ROBO1: variants seen among roughly 807,000 people sequenced by gnomAD.
ROBO1 encodes roundabout homolog 1.
Under a neutral mutation model 195.9 loss-of-function variants are expected in ROBO1, and 149 were observed. That is an observed-to-expected ratio of 0.76 (90% CI 0.67 to 0.87). ROBO1 has a LOEUF of 0.87. ROBO1 is among the 40% of genes least tolerant of loss of function. The pLI is 0.00. For missense variants in ROBO1, 1,933 were observed against 2,068.3 expected, an observed-to-expected ratio of 0.93 and a Z score of 1.27; for synonymous variants, 816 against 733.2, an observed-to-expected ratio of 1.11 and a Z score of -1.82.
At chr3:79,169,912 A>C (rs1428767314) in intron 2 of ROBO1, among the ~76,000 whole-genome samples, 6 of 152,328 alleles carry the variant, frequency 3.9e-5, no homozygotes, top group African/African-American at 1.2e-4. Context: ...TAAAGAGGTA[A>C]ATTTTATAAA....
At chr3:78,605,828 G>T (rs947752489) in intron 29 of ROBO1, among the ~76,000 whole-genome samples, 27 of 152,186 alleles carry the variant, frequency 1.8e-4, no homozygotes, top group African/African-American at 6.5e-4. Context: ...GTCAACCTAT[G>T]AATAACTTTT....
At chr3:79,243,446 A>C (rs1160622765) in intron 2 of ROBO1, among the ~76,000 whole-genome samples, 1 of 152,214 alleles carries the variant, frequency 6.6e-6, no homozygotes, top group Non-Finnish European at 1.5e-5. Flanking sequence ...TTACAGTCCC[A>C]CCAACAGTGT....
intron 3 of ROBO1, among the ~76,000 whole-genome samples, chr3:78,974,336 A>G (rs1432454521): frequency 2.0e-5 from 3 of 152,190 alleles, no homozygotes; most frequent in East Asian, 1.9e-4. Flanking sequence ...AAATTAAAAA[A>G]AAGAAGAAGA....
chr3:79,054,229 T>C (rs1038292435), intron 3 of ROBO1, among the ~76,000 whole-genome samples: 2 of 152,102 alleles, frequency 1.3e-5, no homozygotes, highest in African/African-American at 2.4e-5. Context: ...ACAGAACAAG[T>C]AACAAAGGTG....
At chr3:78,788,847 CTAATG>C (rs2083931131) in intron 4 of ROBO1, among the ~76,000 whole-genome samples, 2 of 152,188 alleles carry the variant, frequency 1.3e-5, no homozygotes, top group East Asian at 3.9e-4. Flanking sequence ...AATGATATCT[CTAATG>C]TAGTGTAAAT....
At chr3:79,185,268 GGTAGTAACTGATTTT>G (rs1265683610) in intron 2 of ROBO1, among the ~76,000 whole-genome samples, 15 of 152,204 alleles carry the variant, frequency 9.9e-5, no homozygotes, top group African/African-American at 3.4e-4. Context: ...TTTATGCTGT[GGTAGTAACTGATTTT>G]TTTTATAGAA....
intron 26 of ROBO1, among the ~76,000 whole-genome samples, chr3:78,627,080 G>A (rs1704842789): frequency 6.6e-6 from 1 of 152,196 alleles, no homozygotes; most frequent in Non-Finnish European, 1.5e-5. Flanking sequence ...TGTAATAGTT[G>A]TAAGTGGGTG....
At chr3:79,679,520 ATGTT>A (rs1946881850) in intron 1 of ROBO1, among the ~76,000 whole-genome samples, 1 of 152,036 alleles carries the variant, frequency 6.6e-6, no homozygotes. Context: ...ATATGTGTAT[ATGTT>A]TAAGTATAAA....
chr3:79,365,896 CAAA>C (rs5850423), intron 2 of ROBO1, among the ~76,000 whole-genome samples: 7 of 126,440 alleles, frequency 5.5e-5, no homozygotes, highest in African/African-American at 5.8e-5. Context: ...GACTCCGTCT[CAAA>C]AAAAAAAAAA....
intron 2 of ROBO1, among the ~76,000 whole-genome samples, chr3:79,169,128 T>C (rs1399435213): frequency 6.6e-6 from 1 of 152,154 alleles, no homozygotes; most frequent in Non-Finnish European, 1.5e-5. Context: ...AACCAAAGAA[T>C]AGCAAGGCTA....
intron 2 of ROBO1, among the ~76,000 whole-genome samples, chr3:79,452,489 C>T (rs2039477572): frequency 6.6e-6 from 1 of 152,054 alleles, no homozygotes; most frequent in African/African-American, 2.4e-5. Flanking sequence ...TTGCATATTT[C>T]ATAATTGATT....
chr3:79,141,064 A>AT (rs199917105), intron 2 of ROBO1, among the ~76,000 whole-genome samples: 1,622 of 152,048 alleles, frequency 0.011, 12 homozygotes, highest in Non-Finnish European at 0.018. Flanking sequence ...AGGATGAAAC[A>AT]TTTTTTTTCC....
chr3:78,775,132 GAC>G (rs1380852175), intron 4 of ROBO1, among the ~76,000 whole-genome samples: 7 of 152,152 alleles, frequency 4.6e-5, no homozygotes, highest in African/African-American at 1.7e-4. Flanking sequence ...TTGTACCCAT[GAC>G]AAAACAAAGA....
At chr3:79,023,748 G>A (rs1467452263) in intron 3 of ROBO1, among the ~76,000 whole-genome samples, 5 of 111,018 alleles carry the variant, frequency 4.5e-5, no homozygotes, top group Admixed American at 1.5e-4. Flanking sequence ...CTGTCACCAC[G>A]CTTGAGTGCA....
intron 3 of ROBO1, among the ~76,000 whole-genome samples, chr3:79,112,673 C>A (rs553650424): frequency 6.6e-6 from 1 of 151,368 alleles, no homozygotes; most frequent in Non-Finnish European, 1.5e-5. Context: ...AACCAAACAC[C>A]GCATGTTCTC....
At chr3:79,446,238 C>A (rs1443523401) in intron 2 of ROBO1, among the ~76,000 whole-genome samples, 1 of 152,164 alleles carries the variant, frequency 6.6e-6, no homozygotes, top group African/African-American at 2.4e-5. Context: ...CAAATTCAAA[C>A]TTTTACTTCT....
intron 2 of ROBO1, among the ~76,000 whole-genome samples, chr3:79,346,494 C>A (rs973962218): frequency 7.2e-5 from 11 of 151,948 alleles, no homozygotes; most frequent in African/African-American, 2.7e-4. Flanking sequence ...AACCTATTAA[C>A]TCTTTAAGAA....
chr3:78,895,730 T>C (rs780842194), intron 4 of ROBO1, among the ~76,000 whole-genome samples: 7 of 152,212 alleles, frequency 4.6e-5, no homozygotes, highest in Non-Finnish European at 7.3e-5. Flanking sequence ...TGTGTTGTGG[T>C]TGTCATTTTA....
rs919555350 is a variant in ROBO1, at chr3:79,363,473, T to C, written c.88+226351A>G. 2.6e-5 allele frequency among the ~76,000 whole-genome samples: 4 copies of C among 152,258 alleles called. No homozygotes were observed. The South Asian group carries it at 8.3e-4, about 31-fold the overall frequency. On this transcript the variant is annotated intron_variant, in intron 2 of 30. Coordinates refer to ENST00000464233, the MANE Select transcript of ROBO1 (RefSeq NM_002941.4). ...AAATTTTTAAGAAGTCATTTTTACA[T>C]AGACTATCCTTGTATTACACATCAT...
Sources: gnomAD v4.1 joint callset for allele counts (sites outside exome capture counted in the v4.1 genomes callset) on GRCh38, gnomAD v4.1.1 for gene constraint, MANE v1.5 for transcripts, NCBI Gene and HGNC (gene_info 2026-07-23, HGNC 2026-07-21) for gene names.